MAP3K7CL: variants seen among roughly 807,000 people sequenced by gnomAD.
MAP3K7CL encodes MAP3K7 C-terminal like.
In MAP3K7CL, 16 loss-of-function variants were observed where a neutral mutation model predicts 18.6. The ratio of observed to expected loss-of-function variants is 0.86; its 90% CI spans 0.58 to 1.31. The LOEUF (loss-of-function observed/expected upper bound fraction) is 1.31, where lower values mean the gene tolerates loss of function less well. MAP3K7CL is among the 50% of genes most tolerant of loss of function. The probability of loss-of-function intolerance (pLI) is 0.00; values close to 1 mark genes in which losing one functional copy is unlikely to be tolerated. For synonymous variants in MAP3K7CL, 65 were observed against 66.8 expected (o/e 0.97, Z 0.13); for missense variants, 163 against 174.4 (o/e 0.93, Z 0.37).
intron 4 of MAP3K7CL, among the ~76,000 whole-genome samples, chr21:29,124,062 A>G (rs901303070): frequency 6.6e-6 from 1 of 152,140 alleles, no homozygotes; most frequent in Non-Finnish European, 1.5e-5. Flanking sequence ...TGTTTATAGA[A>G]AAGGAACACA....
At chr21:29,152,784 T>A (rs897462075) in intron 3 of MAP3K7CL, among the ~76,000 whole-genome samples, 1 of 152,194 alleles carries the variant, frequency 6.6e-6, no homozygotes, top group Admixed American at 6.5e-5. Context: ...GAGGCCAAAT[T>A]TTGGTCTAAA....
At position 29,142,012 on chromosome 21, in the gene MAP3K7CL, AT is replaced by A. The variant is rs1169854156; in HGVS notation, c.71-7176del. 3.3e-5 allele frequency among the ~76,000 whole-genome samples: 5 copies of A among 151,904 alleles called. No homozygotes were observed. The East Asian group carries it at 9.6e-4, about 29-fold the overall frequency. Reference sequence around the variant, plus strand: ...AAATGACAGTACTCAAAGACCTTTTATGCGTAAGTTAATTTTTTTTTTTTTT... The same window carrying A: ...AAATGACAGTACTCAAAGACCTTTTAGCGTAAGTTAATTTTTTTTTTTTTT... On this transcript the variant is annotated intron_variant, in intron 2 of 4. Coordinates refer to ENST00000399928, the MANE Select transcript of MAP3K7CL (RefSeq NM_001286620.2).
chr21:29,101,441 G>A (rs995273421), intron 4 of MAP3K7CL, among the ~76,000 whole-genome samples: 10 of 152,008 alleles, frequency 6.6e-5, no homozygotes, highest in African/African-American at 1.9e-4. Context: ...ACGGAGTCTC[G>A]CTCTGTCACC....
intron 2 of MAP3K7CL, among the ~76,000 whole-genome samples, chr21:29,140,350 G>T (rs1344950256): frequency 1.3e-5 from 2 of 152,224 alleles, no homozygotes; most frequent in Non-Finnish European, 2.9e-5. Context: ...GAAAGAAGGT[G>T]AGTGTTCATT....
At chr21:29,150,536 G>A (rs1034518830) in intron 3 of MAP3K7CL, among the ~76,000 whole-genome samples, 3 of 152,148 alleles carry the variant, frequency 2.0e-5, no homozygotes, top group Non-Finnish European at 2.9e-5. Flanking sequence ...TAGGAGGTCG[G>A]AGGGTTACAC....
intron 3 of MAP3K7CL, 36 bp downstream of exon 3, chr21:29,149,286 T>G (rs1435419086): frequency 6.3e-7 from 1 of 1,583,262 alleles, no homozygotes; most frequent in Admixed American, 1.7e-5. Context: ...TCTTTCCTCC[T>G]TAGTGTCATA....
intron 4 of MAP3K7CL, chr21:29,109,419 T>G: frequency 7.7e-7 from 1 of 1,292,662 alleles, no homozygotes. Context: ...CCAGGAGGTG[T>G]TAAGTATTTC....
chr21:29,154,512 T>G (rs187768078), intron 3 of MAP3K7CL, among the ~76,000 whole-genome samples: 1 of 152,174 alleles, frequency 6.6e-6, no homozygotes. Flanking sequence ...CAGAGTCTGA[T>G]AAGTCCAGAA....
intron 4 of MAP3K7CL, chr21:29,109,166 C>T (rs2086376262): frequency 8.5e-6 from 13 of 1,535,402 alleles, no homozygotes; most frequent in Non-Finnish European, 1.1e-5. Context: ...ACGCCCTTTC[C>T]ACCAGTGCGG....
rs2832236 is a variant in MAP3K7CL at position 29,175,281 on chromosome 21, A to G, written c.*389A>G. ...GGGACAAACCCATAACATGTTCACCATAGTTTCACGTATGTGTATTTTTAA... is the reference window on the plus strand; with the variant it reads ...GGGACAAACCCATAACATGTTCACCGTAGTTTCACGTATGTGTATTTTTAA... On this transcript the variant is annotated 3_prime_UTR_variant, in exon 5 of 5. Coordinates refer to ENST00000399928, the MANE Select transcript of MAP3K7CL (RefSeq NM_001286620.2). 0.59 allele frequency: 91,557 copies of G among 154,984 alleles called. 27,905 individuals are homozygous for G. Among genetic ancestry groups the G allele is most frequent in the African/African-American group, 0.75 (31,299 of 41,590 alleles). The allele number at this position is 154,984 out of a possible 1,614,324, so 9.6% of individuals were successfully genotyped here. A position where few individuals can be genotyped will look rare whatever the true frequency, so the allele number is the denominator to read the frequency against.
intron 4 of MAP3K7CL, among the ~76,000 whole-genome samples, chr21:29,166,910 G>A (rs1193188024): frequency 6.6e-6 from 1 of 152,174 alleles, no homozygotes; most frequent in Non-Finnish European, 1.5e-5. Flanking sequence ...CAATTCTCTT[G>A]AGTAGGTTCC....
chr21:29,156,943 A>G (rs937946735), intron 3 of MAP3K7CL, among the ~76,000 whole-genome samples: 3 of 152,140 alleles, frequency 2.0e-5, no homozygotes, highest in Non-Finnish European at 2.9e-5. Flanking sequence ...ATGGCTCGAG[A>G]TTATAAAGGG....
intron 4 of MAP3K7CL, among the ~76,000 whole-genome samples, chr21:29,108,591 A>T (rs1461805795): frequency 6.6e-6 from 1 of 152,200 alleles, no homozygotes; most frequent in Non-Finnish European, 1.5e-5. Context: ...ACCTTAGAAG[A>T]ACTGAATTTA....
At chr21:29,104,732 A>G (rs2086290999) in intron 4 of MAP3K7CL, among the ~76,000 whole-genome samples, 1 of 152,196 alleles carries the variant, frequency 6.6e-6, no homozygotes, top group South Asian at 2.1e-4. Flanking sequence ...GCACTCCAGG[A>G]AGCATCACCC....
intron 4 of MAP3K7CL, among the ~76,000 whole-genome samples, chr21:29,097,469 T>A (rs538521637): frequency 9.2e-5 from 14 of 152,330 alleles, no homozygotes; most frequent in Admixed American, 7.8e-4. Flanking sequence ...TTATTTTAAA[T>A]TTTATTATTG....
intron 1 of MAP3K7CL, among the ~76,000 whole-genome samples, chr21:29,090,600 T>C (rs988803611): frequency 3.3e-5 from 5 of 152,248 alleles, no homozygotes; most frequent in African/African-American, 1.2e-4. Context: ...AGGATGGTCT[T>C]GATCTCCTGA....
At chr21:29,162,087 C>T (rs2087562561) in intron 4 of MAP3K7CL, among the ~76,000 whole-genome samples, 1 of 151,938 alleles carries the variant, frequency 6.6e-6, no homozygotes, top group Non-Finnish European at 1.5e-5. Context: ...AGTTGGAGTC[C>T]TACAAAAAAT....
Position 29,166,388 on chromosome 21 carries a change from T to TA in MAP3K7CL, c.248+6338dup, listed in dbSNP as rs1037861913. Among the ~76,000 whole-genome samples the TA allele has an allele frequency of 5.2e-4, 79 of 152,220 alleles. 1 individual carries two copies. Among genetic ancestry groups the TA allele is most frequent in the Non-Finnish European group, 1.6e-4 (11 of 68,044 alleles). On this transcript the variant is annotated intron_variant, in intron 4 of 4. Coordinates refer to ENST00000399928, the MANE Select transcript of MAP3K7CL (RefSeq NM_001286620.2). ...ATTCCATTGTATAGATATATCACAT[T>TA]AAAAAATCTATTCTTCTGCTGATGG...
Position 29,089,168 on chromosome 21 carries a change from C to CAAAAAAAAAAAAAA in MAP3K7CL, c.58-2313_58-2300dup, listed in dbSNP as rs748166183. ...CTGGTGACAGAGCGAGACTCCGTCT[C>CAAAAAAAAAAAAAA]AAAAAAAAAAAAAAAAAAAAAAAAA... On this transcript the variant is annotated intron_variant, in intron 1 of 6. Transcript: ENST00000286791. Among the ~76,000 whole-genome samples, 14 of 68,532 alleles carry CAAAAAAAAAAAAAA rather than the reference C, an allele frequency of 2.0e-4. 1 individual carries two copies. Among genetic ancestry groups the CAAAAAAAAAAAAAA allele is most frequent in the African/African-American group, 3.1e-4 (6 of 19,072 alleles). 45.0% of individuals were successfully genotyped at this position (68,532 alleles called of 152,430 possible). A position where few individuals can be genotyped will look rare whatever the true frequency, so the allele number is the denominator to read the frequency against.
Sources: allele counts gnomAD v4.1 joint callset (sites outside exome capture counted in the v4.1 genomes callset), GRCh38; gene constraint gnomAD v4.1.1; transcripts MANE v1.5; gene names NCBI Gene and HGNC (gene_info 2026-07-23, HGNC 2026-07-21).